Variants in SGCZ observed in about 807,000 individuals in gnomAD.
SGCZ encodes zeta-sarcoglycan.
A neutral mutation model predicts 41.3 loss-of-function variants in SGCZ; 40 were observed. The ratio of observed to expected loss-of-function variants is 0.97; its 90% CI spans 0.75 to 1.26. The LOEUF is 1.26. Among genes scored for constraint, SGCZ ranks in the 50% most tolerant of loss-of-function variants. The pLI, the probability that SGCZ is intolerant of heterozygous loss-of-function variation, is 0.00. For missense variants in SGCZ, 552 were observed against 369.8 expected (o/e 1.49, Z -4.04); for synonymous variants, 206 against 137.5 (o/e 1.50, Z -3.49).
chr8:15,051,519 G>A (rs547413380), intron 1 of SGCZ, among the ~76,000 whole-genome samples: 86 of 152,110 alleles, frequency 5.7e-4, no homozygotes, highest in African/African-American at 2.0e-3. Flanking sequence ...TTTTCCTTGA[G>A]TACATACCCA....
chr8:14,816,608 A>T (rs1801908939), intron 1 of SGCZ, among the ~76,000 whole-genome samples: 2 of 152,334 alleles, frequency 1.3e-5, no homozygotes, highest in South Asian at 2.1e-4. Context: ...TTTCTCAGTT[A>T]TACTAAGTTA....
At chr8:14,420,959 C>A (rs1037217449) in intron 2 of SGCZ, among the ~76,000 whole-genome samples, 1 of 152,064 alleles carries the variant, frequency 6.6e-6, no homozygotes, top group African/African-American at 2.4e-5. Flanking sequence ...TACAATATGT[C>A]TTTAGAGAGG....
intron 1 of SGCZ, among the ~76,000 whole-genome samples, chr8:15,216,163 A>C (rs963910213): frequency 1.3e-5 from 2 of 151,480 alleles, no homozygotes; most frequent in Admixed American, 6.6e-5. Context: ...AAGCAAAGGC[A>C]CTTCTCATTT....
intron 2 of SGCZ, among the ~76,000 whole-genome samples, chr8:14,432,831 T>C (rs1469138173): frequency 6.8e-6 from 1 of 146,530 alleles, no homozygotes; most frequent in East Asian, 2.0e-4. Flanking sequence ...GGAGAATCAC[T>C]TGAACCCAGG....
intron 4 of SGCZ, among the ~76,000 whole-genome samples, chr8:14,234,288 G>C (rs1229509211): frequency 1.3e-5 from 2 of 151,948 alleles, no homozygotes; most frequent in Non-Finnish European, 2.9e-5. Flanking sequence ...TTAGTACATA[G>C]GATGGCCTAA....
chr8:14,523,436 G>T lies in SGCZ; in HGVS notation c.234+31296C>A, dbSNP rs74725246. ...TGAGTGATGTTTTAAGTCAAAACAG[G>T]ATTCTAGTTTAAGTTTTTCTTCTTT... On this transcript the variant is annotated intron_variant, in intron 2 of 7. Transcript: ENST00000382080. 5.6e-3 allele frequency among the ~76,000 whole-genome samples: 845 copies of T among 152,088 alleles called. 7 individuals carry two copies. Among genetic ancestry groups the T allele is most frequent in the African/African-American group, 0.018 (759 of 41,538 alleles).
intron 3 of SGCZ, 29 bp downstream of exon 3, chr8:14,324,074 T>C (rs984248079): frequency 4.7e-6 from 7 of 1,486,902 alleles, no homozygotes; most frequent in African/African-American, 2.8e-5. Context: ...AATTATCTTT[T>C]AGAGTAAGCC....
intron 2 of SGCZ, among the ~76,000 whole-genome samples, chr8:14,385,162 G>C (rs1804527852): frequency 6.6e-6 from 1 of 152,096 alleles, no homozygotes; most frequent in Non-Finnish European, 1.5e-5. Context: ...TCACGATAGG[G>C]GATTTCAAGC....
rs182210383 is a variant in SGCZ, at chr8:14,541,003, T to C, written c.234+13729A>G. Among the ~76,000 whole-genome samples, 3 of 151,120 alleles carry C rather than the reference T, an allele frequency of 2.0e-5. No individual in the cohort carries two copies. The Admixed American group carries it at 2.0e-4, about 10-fold the overall frequency. ...ATGTTCTTATGTATATATATGTATA[T>C]ATAGAGATGAGAACATATATATGTA... On this transcript the variant is annotated intron_variant, in intron 2 of 7. Coordinates refer to ENST00000382080, the MANE Select transcript of SGCZ (RefSeq NM_139167.4).
At chr8:14,625,408 C>T (rs886153715) in intron 1 of SGCZ, among the ~76,000 whole-genome samples, 2 of 152,042 alleles carry the variant, frequency 1.3e-5, no homozygotes, top group African/African-American at 4.8e-5. Flanking sequence ...AACTTATGAT[C>T]AAGACTGCAG....
At chr8:15,020,239 G>A (rs1389787940) in intron 1 of SGCZ, among the ~76,000 whole-genome samples, 1 of 152,052 alleles carries the variant, frequency 6.6e-6, no homozygotes, top group Non-Finnish European at 1.5e-5. Context: ...ATTTAAGCTT[G>A]GTTTGCTCAA....
intron 5 of SGCZ, among the ~76,000 whole-genome samples, chr8:14,130,847 G>A (rs1442556395): frequency 1.3e-5 from 2 of 152,136 alleles, no homozygotes; most frequent in Non-Finnish European, 2.9e-5. Flanking sequence ...TGCCGTGTGT[G>A]CAGTAAGCAA....
chr8:14,337,875 TA>T (rs1267377704), intron 2 of SGCZ, among the ~76,000 whole-genome samples: 2 of 152,072 alleles, frequency 1.3e-5, no homozygotes, highest in African/African-American at 4.8e-5. Context: ...ACACAACAGA[TA>T]TAAATAGCCA....
intron 1 of SGCZ, among the ~76,000 whole-genome samples, chr8:15,026,760 T>C (rs1048049934): frequency 2.0e-5 from 3 of 152,208 alleles, no homozygotes; most frequent in Non-Finnish European, 4.4e-5. Context: ...ATTGCAGAAT[T>C]TCTCCATTAT....
chr8:14,306,813 T>C (rs1002610423), intron 3 of SGCZ, among the ~76,000 whole-genome samples: 5 of 152,160 alleles, frequency 3.3e-5, no homozygotes, highest in African/African-American at 1.2e-4. Context: ...GGAAAACTTA[T>C]AAAAAGAATG....
chr8:15,112,389 T>C (rs1321219955), intron 1 of SGCZ, among the ~76,000 whole-genome samples: 4 of 152,234 alleles, frequency 2.6e-5, no homozygotes, highest in South Asian at 4.1e-4. Context: ...TGAGAGGAGT[T>C]ATCCATTCTC....
chr8:15,024,935 C>CAAATAAATAAAT (rs71209100), intron 1 of SGCZ, among the ~76,000 whole-genome samples: 5,348 of 142,658 alleles, frequency 0.037, 89 homozygotes, highest in Non-Finnish European at 0.041. Flanking sequence ...GACTCCGTCT[C>CAAATAAATAAAT]AAATAAATAA....
intron 1 of SGCZ, among the ~76,000 whole-genome samples, chr8:15,101,273 A>G (rs893455220): frequency 6.6e-6 from 1 of 152,194 alleles, no homozygotes; most frequent in African/African-American, 2.4e-5. Flanking sequence ...TCTGCTTTGT[A>G]ATAGACACTG....
At chr8:14,478,929 A>T (rs1801441304) in intron 2 of SGCZ, among the ~76,000 whole-genome samples, 1 of 152,156 alleles carries the variant, frequency 6.6e-6, no homozygotes, top group East Asian at 1.9e-4. Context: ...CTACACCTAC[A>T]TTCTGTTCTC....
Sources: gnomAD v4.1 joint callset for allele counts (sites outside exome capture counted in the v4.1 genomes callset) on GRCh38, gnomAD v4.1.1 for gene constraint, MANE v1.5 for transcripts, NCBI Gene and HGNC (gene_info 2026-07-23, HGNC 2026-07-21) for gene names.